The following PDE4D variants were observed in gnomAD, a reference collection of about 807,000 sequenced individuals.
PDE4D encodes the protein 3',5'-cyclic-AMP phosphodiesterase 4D.
Under a neutral mutation model 87.4 loss-of-function variants are expected in PDE4D, and 24 were observed. The observed-to-expected ratio is 0.27, with a 90% CI of 0.20 to 0.39. PDE4D has a LOEUF of 0.39. PDE4D is among the 10% of genes least tolerant of loss of function. The pLI is 1.00. For synonymous variants in PDE4D, 384 were observed against 383.2 expected (o/e 1.00, Z -0.02); for missense variants, 714 against 1,041.0 (o/e 0.69, Z 4.32).
At chr5:59,338,495 T>C (rs1778132728) in intron 1 of PDE4D, among the ~76,000 whole-genome samples, 1 of 152,218 alleles carries the variant, frequency 6.6e-6, no homozygotes, top group Middle Eastern at 3.2e-3. Flanking sequence ...GCATGTCCAG[T>C]CTAAAGCAGC....
intron 1 of PDE4D, among the ~76,000 whole-genome samples, chr5:59,654,339 T>C (rs1177746031): frequency 6.6e-6 from 1 of 152,222 alleles, no homozygotes; most frequent in Non-Finnish European, 1.5e-5. Flanking sequence ...TAGTACCATA[T>C]ACAAAAGAGT....
chr5:59,576,085 T>C (rs1823094933), intron 1 of PDE4D, among the ~76,000 whole-genome samples: 1 of 152,160 alleles, frequency 6.6e-6, no homozygotes, highest in Admixed American at 6.6e-5. Context: ...GGTTAACCAT[T>C]CACAGCTAGT....
intron 1 of PDE4D, among the ~76,000 whole-genome samples, chr5:60,264,455 C>T (rs936072748): frequency 6.6e-6 from 1 of 152,186 alleles, no homozygotes; most frequent in Non-Finnish European, 1.5e-5. Context: ...CCAGGCCCCA[C>T]GCTCTCATTG....
At chr5:59,971,445 AATAGCACTT>A (rs1195586747) in intron 3 of PDE4D, among the ~76,000 whole-genome samples, 1 of 152,156 alleles carries the variant, frequency 6.6e-6, no homozygotes, top group Non-Finnish European at 1.5e-5. Context: ...ATTAAAACAA[AATAGCACTT>A]ATATAGGAAG....
intron 1 of PDE4D, among the ~76,000 whole-genome samples, chr5:60,305,528 A>G (rs1287967247): frequency 6.6e-6 from 1 of 152,030 alleles, no homozygotes; most frequent in Admixed American, 6.5e-5. Context: ...AACAGAAACA[A>G]TAACCAAATA....
intron 1 of PDE4D, among the ~76,000 whole-genome samples, chr5:59,802,487 C>G (rs533576598): frequency 1.3e-5 from 2 of 150,874 alleles, no homozygotes; most frequent in Non-Finnish European, 2.9e-5. Context: ...CAACCTCTAC[C>G]TCCCAGGTTC....
intron 1 of PDE4D, among the ~76,000 whole-genome samples, chr5:60,301,878 A>G (rs1289007657): frequency 6.6e-6 from 1 of 152,184 alleles, no homozygotes; most frequent in Non-Finnish European, 1.5e-5. Context: ...AGTTTTTAAC[A>G]TGAGTGGATG....
intron 2 of PDE4D, among the ~76,000 whole-genome samples, chr5:60,144,481 T>C (rs193160701): frequency 6.6e-6 from 1 of 152,322 alleles, no homozygotes; most frequent in Admixed American, 6.5e-5. Context: ...ATGGGGAATA[T>C]TTAGAGTGCA....
intron 5 of PDE4D, among the ~76,000 whole-genome samples, chr5:59,163,428 C>T (rs1366041980): frequency 2.0e-5 from 3 of 152,008 alleles, no homozygotes; most frequent in Non-Finnish European, 2.9e-5. Context: ...TGTGCCACCA[C>T]GCCTGGCTAA....
chr5:60,160,841 A>C, intron 2 of PDE4D: 1 of 452,724 alleles, frequency 2.2e-6, no homozygotes, highest in Non-Finnish European at 4.4e-6. Flanking sequence ...TTGACAAATG[A>C]AAATTTAAAG....
At chr5:59,861,034 T>TA (rs1261362284) in intron 1 of PDE4D, among the ~76,000 whole-genome samples, 1 of 150,754 alleles carries the variant, frequency 6.6e-6, no homozygotes, top group African/African-American at 2.4e-5. Context: ...TAATTTTTTT[T>TA]TTTTTTTTGT....
chr5:59,155,770 T>C (rs1581101204), intron 5 of PDE4D, among the ~76,000 whole-genome samples: 1 of 151,948 alleles, frequency 6.6e-6, no homozygotes, highest in East Asian at 1.9e-4. Context: ...GGGGTTGACT[T>C]AGAGCAGGAG....
intron 5 of PDE4D, among the ~76,000 whole-genome samples, chr5:59,074,526 G>A (rs973960309): frequency 5.3e-5 from 8 of 152,160 alleles, no homozygotes; most frequent in Admixed American, 1.3e-4. Flanking sequence ...GGGAGGCCGA[G>A]GCAGGCAGAT....
intron 1 of PDE4D, among the ~76,000 whole-genome samples, chr5:59,305,350 T>C (rs1163879795): frequency 6.9e-6 from 1 of 145,390 alleles, no homozygotes; most frequent in Non-Finnish European, 1.5e-5. Flanking sequence ...CCAGGTTTTG[T>C]TTCATTTATT....
intron 1 of PDE4D, among the ~76,000 whole-genome samples, chr5:60,234,047 A>G (rs1005366306): frequency 7.9e-5 from 12 of 151,846 alleles, no homozygotes; most frequent in African/African-American, 2.7e-4. Context: ...TTATGCAACC[A>G]TCAACACAAT....
chr5:59,686,463 T>C (rs539669647), intron 1 of PDE4D, among the ~76,000 whole-genome samples: 7 of 152,164 alleles, frequency 4.6e-5, no homozygotes, highest in Non-Finnish European at 8.8e-5. Context: ...ATGATCTTTA[T>C]GCTATATTGC....
In PDE4D at chr5:60,165,408, A is replaced by G. The variant is rs1314207172; in HGVS notation, c.42+20149T>C. ...TGCTGATATCACGCTGCTTAGGCTAATTTAGCTTTGTAGAGTATTTTGAAG... is the reference window on the plus strand; with the variant it reads ...TGCTGATATCACGCTGCTTAGGCTAGTTTAGCTTTGTAGAGTATTTTGAAG... On this transcript the variant is annotated intron_variant, in intron 2 of 16. Transcript: ENST00000502484. 3.3e-5 allele frequency among the ~76,000 whole-genome samples: 5 copies of G among 152,114 alleles called. No individual in the cohort carries two copies. In the East Asian group the frequency reaches 9.6e-4, roughly 29 times the overall value.
rs377474760 is a variant in PDE4D at position 60,446,020 on chromosome 5, T to C, written c.-90+41922A>G. 9.2e-5 allele frequency among the ~76,000 whole-genome samples: 14 copies of C among 152,132 alleles called. 1 individual carries two copies. Among genetic ancestry groups the C allele is most frequent in the East Asian group, 3.8e-4 (2 of 5,196 alleles). On this transcript the variant is annotated intron_variant, in intron 1 of 16. Coordinates refer to the PDE4D transcript ENST00000502484. Reference sequence around the variant, plus strand: ...TCAAAAGAAAAATAAGTAAGGAACATTGATAGGCAATTTGCAAAGGATAAA... The same window carrying C: ...TCAAAAGAAAAATAAGTAAGGAACACTGATAGGCAATTTGCAAAGGATAAA...
intron 1 of PDE4D, among the ~76,000 whole-genome samples, chr5:59,855,665 A>G (rs1434421208): frequency 6.6e-6 from 1 of 152,174 alleles, no homozygotes; most frequent in Non-Finnish European, 1.5e-5. Context: ...AGAGCATTCT[A>G]GTCTCATAAT....
Sources: gnomAD v4.1 joint callset for allele counts (sites outside exome capture counted in the v4.1 genomes callset) on GRCh38, gnomAD v4.1.1 for gene constraint, MANE v1.5 for transcripts, NCBI Gene and HGNC (gene_info 2026-07-23, HGNC 2026-07-21) for gene names.